The following LMBRD1 variants were observed in gnomAD, a reference collection of about 807,000 sequenced individuals.
LMBRD1 encodes the protein lysosomal cobalamin transport escort protein LMBD1.
LMBRD1 carries 64 observed loss-of-function variants against 74.8 expected under a neutral mutation model. The ratio of observed to expected loss-of-function variants is 0.86; its 90% CI spans 0.70 to 1.05. The LOEUF (loss-of-function observed/expected upper bound fraction) is 1.05. Ranked by LOEUF, LMBRD1 falls within the 50% of genes least tolerant of loss-of-function variation. The pLI is 0.00. For missense variants in LMBRD1, 652 were observed against 645.9 expected (o/e 1.01, Z -0.10); for synonymous variants, 204 against 216.3 (o/e 0.94, Z 0.50).
rs73481770 is a variant in LMBRD1, at chr6:69,748,189, A to G, written c.473+1152T>C. ...TACTTCTGAGCTACAAGAGAGACAC[A>G]AAGACCATACAGACAATAAATCTAA... On this transcript the variant is annotated intron_variant, in intron 5 of 15. Coordinates refer to ENST00000649934, the MANE Select transcript of LMBRD1 (RefSeq NM_018368.4). Among the ~76,000 whole-genome samples the G allele has an allele frequency of 4.0e-3, 614 of 152,326 alleles. 4 individuals are homozygous for G. The highest frequency in any genetic ancestry group is 0.013 in the African/African-American group (555 of 41,566).
At chr6:69,737,909 C>G (rs1767009310) in intron 7 of LMBRD1, 33 bp downstream of exon 7, 2 of 1,442,010 alleles carry the variant, frequency 1.4e-6, no homozygotes, top group East Asian at 4.6e-5. Flanking sequence ...TTTTATAAGG[C>G]AATTTTAACT....
intron 5 of LMBRD1, 64 bp downstream of exon 5, chr6:69,749,277 T>C (rs941374463): frequency 6.3e-6 from 8 of 1,271,660 alleles, no homozygotes; most frequent in South Asian, 4.1e-5. Context: ...ATGATCCTTT[T>C]ATTTTTTTTT....
chr6:69,752,379 G>A lies in LMBRD1; in HGVS notation c.308-23C>T, dbSNP rs373477771. The stretch of plus-strand genomic sequence containing the variant: ...AAGCTGTGGAAATAAATAATAAACC[G>A]AGCTTTACTAAATACATATGTACTT... On this transcript the variant is annotated intron_variant, in intron 3 of 15. Coordinates refer to ENST00000649934, the MANE Select transcript of LMBRD1 (RefSeq NM_018368.4). The A allele has an allele frequency of 4.5e-4, 708 of 1,569,040 alleles. 6 individuals carry two copies. The highest frequency in any genetic ancestry group is 4.0e-4 in the Admixed American group (24 of 59,542).
At chr6:69,726,805 C>T (rs1235971317) in intron 7 of LMBRD1, among the ~76,000 whole-genome samples, 1 of 151,606 alleles carries the variant, frequency 6.6e-6, no homozygotes, top group African/African-American at 2.4e-5. Context: ...GAGTAAGACC[C>T]AGTATTTGAA....
rs929594246 is a variant in LMBRD1, at chr6:69,700,990, T to C, written c.1084-121A>G. ...CAAATGTTTACAGTATCAACCTTGATTTAGATTAGGCTACTGTGCTTAAAA... is the reference window on the plus strand; with the variant it reads ...CAAATGTTTACAGTATCAACCTTGACTTAGATTAGGCTACTGTGCTTAAAA... On this transcript the variant is annotated intron_variant, in intron 11 of 15. Transcript: ENST00000649934. 10 of 710,338 alleles carry C rather than the reference T, an allele frequency of 1.4e-5. No individual in the cohort carries two copies. In the African/African-American group the frequency reaches 1.8e-4, roughly 13 times the overall value. The allele number at this position is 710,338 out of a possible 1,614,324, so 44.0% of individuals were successfully genotyped here. A position where few individuals can be genotyped will look rare whatever the true frequency, so the allele number is the denominator to read the frequency against.
At position 69,796,922 on chromosome 6, in the gene LMBRD1, G is replaced by A; in HGVS notation, c.-41C>T. The A allele has an allele frequency of 1.3e-6, 2 of 1,580,332 alleles. No individual in the cohort carries two copies. Among genetic ancestry groups the A allele is most frequent in the Non-Finnish European group, 1.7e-6 (2 of 1,152,528 alleles). On this transcript the variant is annotated 5_prime_UTR_variant, in exon 1 of 16. Coordinates refer to ENST00000649934, the MANE Select transcript of LMBRD1 (RefSeq NM_018368.4). ...AGACCAACCTGAGCGCCCGGGGTGG[G>A]GAAAGGGGAGGGGGAAAGGGGAGAG...
At chr6:69,726,759 A>G (rs2149861594) in intron 7 of LMBRD1, among the ~76,000 whole-genome samples, 1 of 148,062 alleles carries the variant, frequency 6.8e-6, no homozygotes, top group South Asian at 2.2e-4. Context: ...GGAGGCAGGT[A>G]AGGATGGTTA....
chr6:69,691,537 T>G (rs1310141440), intron 14 of LMBRD1, among the ~76,000 whole-genome samples: 1 of 152,076 alleles, frequency 6.6e-6, no homozygotes, highest in African/African-American at 2.4e-5. Context: ...GATAGGTACT[T>G]GAGATTCTGT....
chr6:69,778,099 T>C (rs1408596561), intron 3 of LMBRD1, among the ~76,000 whole-genome samples: 2 of 152,244 alleles, frequency 1.3e-5, no homozygotes, highest in African/African-American at 2.4e-5. Flanking sequence ...TAACCATTCA[T>C]ATTATCCAAT....
intron 2 of LMBRD1, among the ~76,000 whole-genome samples, chr6:69,787,342 G>A (rs1338843326): frequency 6.6e-6 from 1 of 151,788 alleles, no homozygotes; most frequent in African/African-American, 2.4e-5. Flanking sequence ...AAATGAGAAG[G>A]GAAAATACAG....
intron 2 of LMBRD1, among the ~76,000 whole-genome samples, chr6:69,786,111 G>A (rs1292585192): frequency 9.2e-5 from 14 of 152,108 alleles, no homozygotes; most frequent in Admixed American, 6.6e-4. Flanking sequence ...TATTGATCTG[G>A]CCTTGCAGAC....
intron 3 of LMBRD1, 51 bp downstream of exon 3, chr6:69,780,443 C>T: frequency 7.7e-7 from 1 of 1,303,540 alleles, no homozygotes; most frequent in Non-Finnish European, 1.1e-6. Context: ...GGAGTCGTAT[C>T]AGTATTTTGG....
intron 8 of LMBRD1, among the ~76,000 whole-genome samples, chr6:69,714,918 T>C (rs1240360061): frequency 6.6e-6 from 1 of 152,066 alleles, no homozygotes; most frequent in Non-Finnish European, 1.5e-5. Context: ...CTAGGCCCTA[T>C]CCCCAGAGGA....
intron 7 of LMBRD1, among the ~76,000 whole-genome samples, chr6:69,733,710 G>A (rs992340227): frequency 2.0e-5 from 3 of 152,082 alleles, no homozygotes; most frequent in South Asian, 4.1e-4. Flanking sequence ...AGTGCTATTC[G>A]AATGATATTA....
chr6:69,699,837 A>G (rs1766088310), intron 12 of LMBRD1, among the ~76,000 whole-genome samples: 1 of 151,838 alleles, frequency 6.6e-6, no homozygotes, highest in Non-Finnish European at 1.5e-5. Context: ...TACAGACTCC[A>G]GTTCTAGATG....
At chr6:69,688,123 G>A (rs1765801626) in intron 14 of LMBRD1, among the ~76,000 whole-genome samples, 1 of 152,114 alleles carries the variant, frequency 6.6e-6, no homozygotes, top group Admixed American at 6.5e-5. Flanking sequence ...TTAGGAGACT[G>A]TCATCACAAA....
chr6:69,763,648 G>A (rs1765418555), intron 3 of LMBRD1, among the ~76,000 whole-genome samples: 1 of 152,168 alleles, frequency 6.6e-6, no homozygotes, highest in African/African-American at 2.4e-5. Context: ...TCAGAGAATA[G>A]CTGCCTTGAA....
intron 8 of LMBRD1, among the ~76,000 whole-genome samples, chr6:69,714,457 T>C (rs1766449357): frequency 6.6e-6 from 1 of 152,158 alleles, no homozygotes; most frequent in Non-Finnish European, 1.5e-5. Flanking sequence ...ATCTCATAGA[T>C]ACACTTTCCC....
intron 9 of LMBRD1, among the ~76,000 whole-genome samples, chr6:69,707,309 C>A (rs1460528134): frequency 6.6e-6 from 1 of 152,156 alleles, no homozygotes; most frequent in African/African-American, 2.4e-5. Context: ...CTGAGCCCAC[C>A]TGAATAACCC....
Sources: allele counts gnomAD v4.1 joint callset (sites outside exome capture counted in the v4.1 genomes callset), GRCh38; gene constraint gnomAD v4.1.1; transcripts MANE v1.5; gene names NCBI Gene and HGNC (gene_info 2026-07-23, HGNC 2026-07-21).